Variants in MAPK14 observed in about 807,000 individuals in gnomAD.
MAPK14 encodes the protein mitogen-activated protein kinase 14, also known as CSAID-binding protein.
In MAPK14, 16 loss-of-function variants were observed where a neutral mutation model predicts 49.6. The ratio of observed to expected loss-of-function variants is 0.32; its 90% CI spans 0.22 to 0.49. MAPK14 has a LOEUF of 0.49. Ranked by LOEUF, MAPK14 falls within the 20% of genes least tolerant of loss-of-function variation. MAPK14 has a pLI of 0.99. For missense variants in MAPK14, 200 were observed against 441.2 expected, an observed-to-expected ratio of 0.45 and a Z score of 4.90; for synonymous variants, 142 against 158.0, an observed-to-expected ratio of 0.90 and a Z score of 0.76.
intron 7 of MAPK14, 41 bp downstream of exon 7, chr6:36,076,003 A>G (rs1241320821): frequency 6.2e-7 from 1 of 1,601,654 alleles, no homozygotes; most frequent in African/African-American, 1.3e-5. Flanking sequence ...ATTTAATTCC[A>G]TGTTGGATGC....
intron 1 of MAPK14, among the ~76,000 whole-genome samples, chr6:36,043,097 C>T (rs1247802837): frequency 6.6e-6 from 1 of 151,372 alleles, no homozygotes; most frequent in Non-Finnish European, 1.5e-5. Flanking sequence ...ACACTCTAGC[C>T]TGGGCAACAG....
the MAPK14 span, among the ~76,000 whole-genome samples, chr6:36,116,899 A>G: frequency 6.6e-6 from 1 of 152,222 alleles, no homozygotes; most frequent in African/African-American, 2.4e-5. Flanking sequence ...CAGTCACGTT[A>G]CAACTGAGGC....
At chr6:36,099,713 C>T (rs1349067692) in intron 9 of MAPK14, among the ~76,000 whole-genome samples, 1 of 152,140 alleles carries the variant, frequency 6.6e-6, no homozygotes, top group Non-Finnish European at 1.5e-5. Flanking sequence ...TGTCTTAATT[C>T]GGAGGGATGG....
downstream of MAPK14, among the ~76,000 whole-genome samples, chr6:36,113,635 C>G (rs529033432): frequency 3.3e-5 from 5 of 152,200 alleles, no homozygotes; most frequent in Admixed American, 6.5e-5. Context: ...GAACTGTTAG[C>G]AACCATCTCT....
rs201358344 is a variant in MAPK14, at chr6:36,109,725, A to C, written c.*1278A>C. 5 of 152,648 alleles carry C rather than the reference A, an allele frequency of 3.3e-5. No homozygotes were observed. The highest frequency in any genetic ancestry group is 7.3e-5 in the Non-Finnish European group (5 of 68,042). 9.5% of individuals were successfully genotyped at this position (152,648 alleles called of 1,614,324 possible). On this transcript the variant is annotated 3_prime_UTR_variant, in exon 12 of 12. Coordinates refer to ENST00000229794, the MANE Select transcript of MAPK14 (RefSeq NM_139012.3). Reference sequence around the variant, plus strand: ...CAGGAATATCCCAAACTTCGGAAACAAGTTATTCTCTTCACTCCCAATAAC... The same window carrying C: ...CAGGAATATCCCAAACTTCGGAAACCAGTTATTCTCTTCACTCCCAATAAC...
At chr6:36,052,485 T>C (rs1763440197) in intron 1 of MAPK14, among the ~76,000 whole-genome samples, 1 of 152,222 alleles carries the variant, frequency 6.6e-6, no homozygotes, top group Non-Finnish European at 1.5e-5. Flanking sequence ...ACTTCTGATT[T>C]AGATACATAG....
In MAPK14 at chr6:36,110,149, TAAG is replaced by T. The variant is rs1271924218; in HGVS notation, c.*1705_*1707del. On this transcript the variant is annotated 3_prime_UTR_variant, in exon 12 of 12. Transcript: ENST00000229794. ...TCATATATTTAAGCCTTTTGTGTAA[TAAG>T]AAAGTATAAAGTCACTTCCAGTGTT... The T allele has an allele frequency of 2.6e-5, 4 of 152,230 alleles. No individual in the cohort carries two copies. The highest frequency in any genetic ancestry group is 7.2e-5 in the African/African-American group (3 of 41,440). 9.4% of individuals were successfully genotyped at this position (152,230 alleles called of 1,614,324 possible). A position where few individuals can be genotyped will look rare whatever the true frequency, so the allele number is the denominator to read the frequency against.
intron 1 of MAPK14, among the ~76,000 whole-genome samples, chr6:36,045,448 G>A (rs534811062): frequency 6.6e-6 from 1 of 152,120 alleles, no homozygotes; most frequent in Non-Finnish European, 1.5e-5. Context: ...AACTGATTCT[G>A]TTCTCTTTGT....
downstream of MAPK14, among the ~76,000 whole-genome samples, chr6:36,113,960 G>A (rs568645457): frequency 1.3e-5 from 2 of 152,318 alleles, no homozygotes; most frequent in South Asian, 2.1e-4. Flanking sequence ...GGAGGGTTTG[G>A]TTGTTTCTTC....
intron 8 of MAPK14, among the ~76,000 whole-genome samples, chr6:36,090,888 C>A (rs990632287): frequency 1.3e-5 from 2 of 152,170 alleles, no homozygotes; most frequent in African/African-American, 4.8e-5. Context: ...AAGGTAGAAT[C>A]CTCAGATTTG....
At chr6:36,042,783 G>A (rs2127404947) in intron 1 of MAPK14, among the ~76,000 whole-genome samples, 1 of 151,862 alleles carries the variant, frequency 6.6e-6, no homozygotes, top group South Asian at 2.1e-4. Context: ...TTACAGGTGT[G>A]AGCCACCGCA....
At position 36,074,115 on chromosome 6, in the gene MAPK14, A is replaced by G. The variant is rs2127443088; in HGVS notation, c.495+19A>G. ...GCTGAAGGTAAAATGAAGAGACAGT[A>G]TTCATTGTTTGCTTTACTTTGAGAT... On this transcript the variant is annotated intron_variant, in intron 6 of 11. Transcript: ENST00000229794. The G allele has an allele frequency of 6.2e-7, 1 of 1,603,252 alleles. No individual in the cohort carries two copies. Among genetic ancestry groups the G allele is most frequent in the Non-Finnish European group, 8.5e-7 (1 of 1,170,482 alleles).
chr6:36,103,746 T>C (rs1282881265), intron 10 of MAPK14, among the ~76,000 whole-genome samples: 1 of 152,126 alleles, frequency 6.6e-6, no homozygotes, highest in African/African-American at 2.4e-5. Flanking sequence ...GACAGTGCTG[T>C]TTAATGGTGG....
chr6:36,033,339 C>T (rs976144795), intron 1 of MAPK14, among the ~76,000 whole-genome samples: 9 of 144,782 alleles, frequency 6.2e-5, no homozygotes, highest in African/African-American at 7.6e-5. Flanking sequence ...TTTTTTGAGA[C>T]GGAGTCTTGC....
At chr6:36,092,094 G>A (rs540561637) in intron 8 of MAPK14, 6 of 505,920 alleles carry the variant, frequency 1.2e-5, no homozygotes, top group African/African-American at 5.8e-5. Flanking sequence ...TTTCAGCTAC[G>A]AGAGCATCGA....
At position 36,110,690 on chromosome 6, in the gene MAPK14, G is replaced by A. The variant is rs553255155; in HGVS notation, c.*2243G>A. On this transcript the variant is annotated 3_prime_UTR_variant, in exon 12 of 12. Transcript: ENST00000229794. The stretch of plus-strand genomic sequence containing the variant: ...TTTATTTGTATTCATGAACTTGGCT[G>A]TAATCAGTTATGCCGTATAGGATGT... The A allele has an allele frequency of 6.6e-6, 1 of 152,446 alleles. No individual in the cohort carries two copies. The highest frequency in any genetic ancestry group is 1.9e-4 in the East Asian group (1 of 5,188). The allele number at this position is 152,446 out of a possible 1,614,324, so 9.4% of individuals were successfully genotyped here.
chr6:36,114,721 C>T (rs931881093), downstream of MAPK14, among the ~76,000 whole-genome samples: 37 of 151,534 alleles, frequency 2.4e-4, no homozygotes, highest in African/African-American at 8.7e-4. Flanking sequence ...ATGTTTGGTA[C>T]TGAATAAAGG....
intron 8 of MAPK14, among the ~76,000 whole-genome samples, chr6:36,090,091 C>T (rs1019034848): frequency 2.0e-5 from 3 of 152,084 alleles, no homozygotes; most frequent in African/African-American, 7.2e-5. Context: ...AGTTACTGCC[C>T]TGGTCTATGG....
At chr6:36,093,706 G>A (rs1403250642) in intron 8 of MAPK14, among the ~76,000 whole-genome samples, 3 of 127,786 alleles carry the variant, frequency 2.3e-5, no homozygotes, top group Non-Finnish European at 4.8e-5. Flanking sequence ...GCGACAGAGC[G>A]AGAGACTCCG....
Sources: allele counts gnomAD v4.1 joint callset (sites outside exome capture counted in the v4.1 genomes callset), GRCh38; gene constraint gnomAD v4.1.1; transcripts MANE v1.5; gene names NCBI Gene and HGNC (gene_info 2026-07-23, HGNC 2026-07-21).